Variants in PIK3CB observed in about 807,000 individuals in gnomAD.
PIK3CB encodes the protein phosphatidylinositol-4,5-bisphosphate 3-kinase catalytic subunit beta.
Under a neutral mutation model 136.8 loss-of-function variants are expected in PIK3CB, and 39 were observed. The ratio of observed to expected loss-of-function variants is 0.29; its 90% confidence interval spans 0.22 to 0.37. The LOEUF (loss-of-function observed/expected upper bound fraction) is 0.37, where lower values mean the gene tolerates loss of function less well. Among genes scored for constraint, PIK3CB ranks in the 10% least tolerant of loss-of-function variants. The probability of loss-of-function intolerance (pLI) is 1.00; values close to 1 mark genes in which losing one functional copy is unlikely to be tolerated. For synonymous variants in PIK3CB, 428 were observed against 436.6 expected (o/e 0.98, Z 0.25); for missense variants, 868 against 1,275.4 (o/e 0.68, Z 4.87).
At chr3:138,828,814 G>C (rs965217997) in intron 1 of PIK3CB, among the ~76,000 whole-genome samples, 3 of 151,906 alleles carry the variant, frequency 2.0e-5, no homozygotes, top group African/African-American at 7.3e-5. Flanking sequence ...CTGAGACGGA[G>C]TTTCACTCTT....
At chr3:138,736,122 G>A (rs909743492) in intron 6 of PIK3CB, among the ~76,000 whole-genome samples, 3 of 152,104 alleles carry the variant, frequency 2.0e-5, no homozygotes, top group African/African-American at 4.8e-5. Context: ...TAAAGAAACA[G>A]AAATCTACTT....
At position 138,663,856 on chromosome 3, in the gene PIK3CB, TAAGA is replaced by T. The variant is rs780323598; in HGVS notation, c.2796+46_2796+49del. ...GTTGCACAAGAGATTATGCTATACA[TAAGA>T]AATAGCATTACTAAGGCCCTTGGCA... On this transcript the variant is annotated intron_variant, in intron 21 of 23. Transcript: ENST00000674063. 6.9e-6 allele frequency: 11 copies of T among 1,582,824 alleles called. No homozygotes were observed. The African/African-American group carries it at 1.4e-4, about 20-fold the overall frequency.
rs72984728 is a variant in PIK3CB, at chr3:138,671,543, T to C, written c.2505-6340A>G. Among the ~76,000 whole-genome samples, 562 of 152,198 alleles carry C rather than the reference T, an allele frequency of 3.7e-3. 3 individuals carry two copies. Among genetic ancestry groups the C allele is most frequent in the African/African-American group, 0.013 (537 of 41,530 alleles). On this transcript the variant is annotated intron_variant, in intron 19 of 23. Coordinates refer to ENST00000674063, the MANE Select transcript of PIK3CB (RefSeq NM_006219.3). ...GACCTCTAGGTTCCAAAAATAGAGA[T>C]TTCTCACAGCAGTGGCTCAGGAAGT... is the stretch of plus-strand genomic sequence containing the variant.
chr3:138,820,660 A>C (rs1933523051), intron 1 of PIK3CB, among the ~76,000 whole-genome samples: 1 of 151,972 alleles, frequency 6.6e-6, no homozygotes, highest in South Asian at 2.1e-4. Context: ...CACCTGGCTA[A>C]TTTTTGTACT....
intron 1 of PIK3CB, among the ~76,000 whole-genome samples, chr3:138,806,817 C>T (rs968634527): frequency 1.4e-4 from 21 of 152,130 alleles, no homozygotes; most frequent in Admixed American, 1.2e-3. Flanking sequence ...CACAGCTGGA[C>T]GTTGAAGAAT....
intron 4 of PIK3CB, among the ~76,000 whole-genome samples, chr3:138,745,627 C>T (rs2045339583): frequency 6.6e-6 from 1 of 151,536 alleles, no homozygotes; most frequent in Non-Finnish European, 1.5e-5. Flanking sequence ...AGTGAGACCC[C>T]ATCTCAAAAA....
At chr3:138,706,949 C>A (rs1275416487) in intron 11 of PIK3CB, among the ~76,000 whole-genome samples, 1 of 152,188 alleles carries the variant, frequency 6.6e-6, no homozygotes, top group Non-Finnish European at 1.5e-5. Flanking sequence ...AACCACTGCG[C>A]CCGGCCTGGA....
chr3:138,714,399 A>G (rs1414061611), intron 9 of PIK3CB, 69 bp downstream of exon 9: 1 of 1,056,282 alleles, frequency 9.5e-7, no homozygotes, highest in African/African-American at 1.6e-5. Flanking sequence ...TATATTACTC[A>G]ATTATTTCAA....
rs1559828778 is a variant in PIK3CB at position 138,705,188 on chromosome 3, AAC to A, written c.1531-697_1531-696del. Among the ~76,000 whole-genome samples, 8 of 82,736 alleles carry A rather than the reference AAC, an allele frequency of 9.7e-5. No homozygotes were observed. In the East Asian group the frequency reaches 1.8e-3, roughly 18 times the overall value. The allele number at this position is 82,736 out of a possible 152,430, so 54.3% of individuals were successfully genotyped here. A position where few individuals can be genotyped will look rare whatever the true frequency, so the allele number is the denominator to read the frequency against. On this transcript the variant is annotated intron_variant, in intron 11 of 23. Transcript: ENST00000674063. ...AAAAAAAAAAACAAAAAACAAAACA[AAC>A]AAAAAAAAAAACTTATATTTGCAAA... is the stretch of plus-strand genomic sequence containing the variant.
At chr3:138,723,092 A>C (rs1294093090) in intron 8 of PIK3CB, among the ~76,000 whole-genome samples, 2 of 151,938 alleles carry the variant, frequency 1.3e-5, no homozygotes, top group Admixed American at 6.6e-5. Context: ...AAAAGAAAAG[A>C]AGCATAAAAA....
chr3:138,814,221 T>C (rs1363925750), intron 1 of PIK3CB, among the ~76,000 whole-genome samples: 2 of 152,156 alleles, frequency 1.3e-5, no homozygotes, highest in Non-Finnish European at 2.9e-5. Context: ...CTCATGTCTG[T>C]AATCCCAGAG....
intron 4 of PIK3CB, among the ~76,000 whole-genome samples, chr3:138,745,452 G>A (rs749029718): frequency 5.8e-4 from 88 of 152,088 alleles, no homozygotes; most frequent in Non-Finnish European, 4.6e-4. Flanking sequence ...GGCCAACATG[G>A]GGAAACCCCA....
chr3:138,695,216 T>C (rs1226181043), intron 13 of PIK3CB, among the ~76,000 whole-genome samples: 1 of 152,242 alleles, frequency 6.6e-6, no homozygotes, highest in Non-Finnish European at 1.5e-5. Context: ...TCTTATTCCT[T>C]AGTATTTAAT....
At chr3:138,772,228 T>C (rs1169873972) in intron 2 of PIK3CB, among the ~76,000 whole-genome samples, 1 of 151,992 alleles carries the variant, frequency 6.6e-6, no homozygotes, top group Non-Finnish European at 1.5e-5. Flanking sequence ...AAGAAAAAAC[T>C]GCAAGTATAA....
In PIK3CB at chr3:138,683,704, A is replaced by G. The variant is rs771261109; in HGVS notation, c.2399T>C (p.Val800Ala). 9 of 1,584,496 alleles carry G rather than the reference A, an allele frequency of 5.7e-6. No homozygotes were observed. Among genetic ancestry groups the G allele is most frequent in the Middle Eastern group, 1.7e-4 (1 of 6,004 alleles). The change falls in exon 18 of 24, where the codon GTT (valine) becomes GCT (alanine). Residue 800 changes from valine (V) to alanine (A), a missense_variant. By Grantham distance (64) the Val-to-Ala change is moderately conservative. Transcript: ENST00000674063. The part of the protein sequence containing the change: ...YNNKVFGEDS[V>A]GVIFKNGDDL... ...ATCACCATTTTTAAAAATCACTCCA[A>G]CTGAATCCTCACCAAATACCTTGTT...
At chr3:138,808,155 C>T (rs879559138) in intron 1 of PIK3CB, among the ~76,000 whole-genome samples, 1 of 152,120 alleles carries the variant, frequency 6.6e-6, no homozygotes, top group Non-Finnish European at 1.5e-5. Context: ...TTTTTATCCA[C>T]TGCTCAGCAA....
intron 1 of PIK3CB, among the ~76,000 whole-genome samples, chr3:138,833,749 A>T: frequency 6.6e-6 from 1 of 152,202 alleles, no homozygotes; most frequent in African/African-American, 2.4e-5. Flanking sequence ...TAACTCTGTA[A>T]CAAGTGGCAG....
intron 2 of PIK3CB, among the ~76,000 whole-genome samples, chr3:138,781,026 G>A (rs764602140): frequency 6.6e-5 from 10 of 152,042 alleles, no homozygotes; most frequent in Non-Finnish European, 1.3e-4. Flanking sequence ...TTCTGGGCTC[G>A]TGCCTGTAAT....
In PIK3CB at chr3:138,796,529, G is replaced by A. The variant is rs1434820038; in HGVS notation, c.-83C>T. On this transcript the variant is annotated 5_prime_UTR_variant, in exon 2 of 24. Transcript: ENST00000674063. The stretch of plus-strand genomic sequence containing the variant: ...ATGGCATTACTTATTTTTTAAAAGT[G>A]ACGTTTTCATGGAAGACTTTTTCCA... 1 of 151,936 alleles carries A rather than the reference G, an allele frequency of 6.6e-6. No homozygotes were observed. Among genetic ancestry groups the A allele is most frequent in the African/African-American group, 2.4e-5 (1 of 41,398 alleles). 9.4% of individuals were successfully genotyped at this position (151,936 alleles called of 1,614,324 possible).
Sources: gnomAD v4.1 joint callset for allele counts (sites outside exome capture counted in the v4.1 genomes callset) on GRCh38, gnomAD v4.1.1 for gene constraint, MANE v1.5 for transcripts, NCBI Gene and HGNC (gene_info 2026-07-23, HGNC 2026-07-21) for gene names.